The following DNER variants were observed in gnomAD, a reference collection of about 807,000 sequenced individuals.
DNER encodes the protein delta/notch like EGF repeat containing, also known as delta and Notch-like epidermal growth factor-related receptor.
In DNER, 33 loss-of-function variants were observed where a neutral mutation model predicts 78.2. The observed-to-expected ratio is 0.42, with a 90% confidence interval of 0.32 to 0.56. The LOEUF (loss-of-function observed/expected upper bound fraction) is 0.56, where lower values mean the gene tolerates loss of function less well. DNER is among the 20% of genes least tolerant of loss of function. DNER has a pLI of 0.11. For synonymous variants in DNER, 417 were observed against 384.8 expected (o/e 1.08, Z -0.98); for missense variants, 918 against 975.3 (o/e 0.94, Z 0.78).
intron 7 of DNER, among the ~76,000 whole-genome samples, chr2:229,455,821 C>T (rs1694560610): frequency 6.6e-6 from 1 of 152,132 alleles, no homozygotes; most frequent in African/African-American, 2.4e-5. Context: ...TTAACTCTCA[C>T]ATCAATCCTA....
chr2:229,576,903 C>G (rs1343148856), intron 4 of DNER, among the ~76,000 whole-genome samples: 1 of 152,136 alleles, frequency 6.6e-6, no homozygotes, highest in Non-Finnish European at 1.5e-5. Flanking sequence ...AGGAAAGACA[C>G]AGCCCCAATC....
chr2:229,415,260 C>T (rs1693620635), intron 9 of DNER, among the ~76,000 whole-genome samples: 1 of 152,150 alleles, frequency 6.6e-6, no homozygotes, highest in East Asian at 1.9e-4. Context: ...TGTCACAAAT[C>T]CTACAGCCAC....
At chr2:229,497,354 T>C (rs530382327) in intron 6 of DNER, among the ~76,000 whole-genome samples, 88 of 150,826 alleles carry the variant, frequency 5.8e-4, no homozygotes, top group Non-Finnish European at 1.1e-3. Flanking sequence ...AAAAGAAAGA[T>C]CTCAAATAAA....
At chr2:229,371,589 T>A (rs1692483978) in intron 11 of DNER, among the ~76,000 whole-genome samples, 1 of 152,230 alleles carries the variant, frequency 6.6e-6, no homozygotes, top group Non-Finnish European at 1.5e-5. Flanking sequence ...AACAAACACC[T>A]TGAGCTAGGC....
chr2:229,560,725 T>C (rs1696941923), intron 4 of DNER, among the ~76,000 whole-genome samples: 1 of 151,988 alleles, frequency 6.6e-6, no homozygotes, highest in East Asian at 1.9e-4. Context: ...GGTGCAAAAA[T>C]TGCTCGATGC....
At chr2:229,640,126 G>A (rs1698591197) in intron 1 of DNER, among the ~76,000 whole-genome samples, 1 of 152,174 alleles carries the variant, frequency 6.6e-6, no homozygotes, top group African/African-American at 2.4e-5. Context: ...ATAGCACCTT[G>A]AGGAGGCTAA....
intron 8 of DNER, among the ~76,000 whole-genome samples, chr2:229,422,015 T>G (rs1693777039): frequency 6.6e-6 from 1 of 152,282 alleles, no homozygotes; most frequent in East Asian, 1.9e-4. Flanking sequence ...AATGAGGAAG[T>G]TATTTTACAG....
intron 4 of DNER, among the ~76,000 whole-genome samples, chr2:229,584,983 G>A (rs1249543039): frequency 6.6e-6 from 1 of 152,014 alleles, no homozygotes; most frequent in Non-Finnish European, 1.5e-5. Context: ...ACAGAAGCAA[G>A]TTCAAGAGAG....
chr2:229,497,627 G>A (rs1175996997), intron 6 of DNER, among the ~76,000 whole-genome samples: 1 of 151,604 alleles, frequency 6.6e-6, no homozygotes, highest in Admixed American at 6.6e-5. Flanking sequence ...TGATACCACA[G>A]AGATACAAAG....
At chr2:229,640,853 G>A (rs553819515) in intron 1 of DNER, among the ~76,000 whole-genome samples, 2 of 152,282 alleles carry the variant, frequency 1.3e-5, no homozygotes, top group South Asian at 4.2e-4. Flanking sequence ...GATAGAAAAG[G>A]TCAACACCTG....
intron 4 of DNER, among the ~76,000 whole-genome samples, chr2:229,556,755 T>C (rs1696861710): frequency 6.6e-6 from 1 of 152,226 alleles, no homozygotes; most frequent in African/African-American, 2.4e-5. Context: ...CTAAAATCTG[T>C]TAATAGATGA....
chr2:229,398,761 G>C (rs182429295), intron 10 of DNER, among the ~76,000 whole-genome samples: 2 of 151,930 alleles, frequency 1.3e-5, no homozygotes, highest in South Asian at 4.2e-4. Context: ...ATGACCAGGT[G>C]GTATATTCCA....
intron 7 of DNER, among the ~76,000 whole-genome samples, chr2:229,474,067 G>A (rs137941871): frequency 1.3e-5 from 2 of 152,154 alleles, no homozygotes; most frequent in East Asian, 1.9e-4. Context: ...CACCACACCC[G>A]GCTAAATTTT....
intron 4 of DNER, among the ~76,000 whole-genome samples, chr2:229,554,044 A>G (rs776188042): frequency 6.6e-6 from 1 of 152,220 alleles, no homozygotes; most frequent in Non-Finnish European, 1.5e-5. Flanking sequence ...TAGGCTGACC[A>G]TGGAATTTAT....
chr2:229,430,095 GT>G (rs1432759044), intron 8 of DNER, among the ~76,000 whole-genome samples: 1 of 152,144 alleles, frequency 6.6e-6, no homozygotes, highest in Admixed American at 6.5e-5. Context: ...ATACAGAAGA[GT>G]TCTTTTCTTT....
intron 6 of DNER, among the ~76,000 whole-genome samples, chr2:229,491,508 C>T (rs768377773): frequency 6.6e-6 from 1 of 152,210 alleles, no homozygotes; most frequent in Non-Finnish European, 1.5e-5. Flanking sequence ...AAACACAGAT[C>T]ATAGCACTTG....
At chr2:229,701,121 G>A (rs1353054020) in intron 1 of DNER, among the ~76,000 whole-genome samples, 1 of 152,326 alleles carries the variant, frequency 6.6e-6, no homozygotes. Flanking sequence ...AGGAGAGGCC[G>A]AAGAAAGGGA....
At chr2:229,450,689 C>T (rs201602811) in intron 7 of DNER, among the ~76,000 whole-genome samples, 9 of 152,122 alleles carry the variant, frequency 5.9e-5, no homozygotes, top group African/African-American at 2.2e-4. Context: ...GATGCCTGTG[C>T]ACAAAGGAAA....
intron 1 of DNER, among the ~76,000 whole-genome samples, chr2:229,660,655 T>C (rs909491912): frequency 1.1e-4 from 16 of 152,198 alleles, no homozygotes; most frequent in African/African-American, 3.9e-4. Flanking sequence ...GTCACCCTAA[T>C]TTGCAATGCA....
Sources: allele counts gnomAD v4.1 joint callset (sites outside exome capture counted in the v4.1 genomes callset), GRCh38; gene constraint gnomAD v4.1.1; transcripts MANE v1.5; gene names NCBI Gene and HGNC (gene_info 2026-07-23, HGNC 2026-07-21).